GRM1: variants seen among roughly 807,000 people sequenced by gnomAD.
GRM1 encodes the protein metabotropic glutamate receptor 1.
Under a neutral mutation model 90.9 loss-of-function variants are expected in GRM1, and 33 were observed. That is an observed-to-expected ratio of 0.36 (90% CI 0.28 to 0.49). The LOEUF (loss-of-function observed/expected upper bound fraction) is 0.49, where lower values mean the gene tolerates loss of function less well. GRM1 is among the 20% of genes least tolerant of loss of function. The pLI is 0.99. For missense variants in GRM1, 1,190 were observed against 1,534.3 expected (o/e 0.78, Z 3.75); for synonymous variants, 700 against 613.2 (o/e 1.14, Z -2.09).
intron 2 of GRM1, among the ~76,000 whole-genome samples, chr6:146,270,901 CTTTCTTTCTTT>C (rs1782117247): frequency 3.3e-4 from 38 of 115,432 alleles, no homozygotes; most frequent in African/African-American, 1.0e-3. Flanking sequence ...TTCTTTCTTT[CTTTCTTTCTTT>C]CTTCCTTCCT....
chr6:146,108,915 T>C (rs1438308753), intron 1 of GRM1, among the ~76,000 whole-genome samples: 2 of 152,170 alleles, frequency 1.3e-5, no homozygotes, highest in Non-Finnish European at 2.9e-5. Context: ...GCACAGAGAT[T>C]TGTGGAACTT....
intron 2 of GRM1, among the ~76,000 whole-genome samples, chr6:146,207,211 T>C (rs1041036335): frequency 6.6e-6 from 1 of 152,196 alleles, no homozygotes; most frequent in Non-Finnish European, 1.5e-5. Flanking sequence ...GTAGTATACT[T>C]TAAGCTCTTT....
chr6:146,227,090 A>G (rs1287485185), intron 2 of GRM1, among the ~76,000 whole-genome samples: 1 of 152,128 alleles, frequency 6.6e-6, no homozygotes, highest in Non-Finnish European at 1.5e-5. Flanking sequence ...TCATTTATCT[A>G]TCTTTAGTGC....
At chr6:146,332,488 T>A (rs774586142) in intron 3 of GRM1, among the ~76,000 whole-genome samples, 1 of 152,232 alleles carries the variant, frequency 6.6e-6, no homozygotes, top group African/African-American at 2.4e-5. Flanking sequence ...ATGACCTCTC[T>A]GGCAACAATG....
intron 7 of GRM1, among the ~76,000 whole-genome samples, chr6:146,410,909 T>A (rs995147071): frequency 1.2e-4 from 19 of 152,316 alleles, no homozygotes; most frequent in African/African-American, 4.6e-4. Flanking sequence ...ATAAAATCAC[T>A]TTTGCTAGGA....
intron 1 of GRM1, among the ~76,000 whole-genome samples, chr6:146,100,283 A>T (rs980383435): frequency 1.3e-5 from 2 of 152,212 alleles, no homozygotes; most frequent in African/African-American, 4.8e-5. Context: ...TTATAAAGCC[A>T]TATGATAAGC....
intron 6 of GRM1, among the ~76,000 whole-genome samples, chr6:146,396,090 A>ATCTATCTATCTATCTATCTATCTATCTG (rs1554307315): frequency 7.1e-4 from 107 of 150,660 alleles, no homozygotes; most frequent in Admixed American, 1.3e-3. Flanking sequence ...CTATCTATCT[A>ATCTATCTATCTATCTATCTATCTATCTG]TCTATCTATC....
At position 146,332,567 on chromosome 6, in the gene GRM1, G is replaced by T. The variant is rs184465654; in HGVS notation, c.1187-19683G>T. ...GTTTCTCTAATCCCAGGCAGAGAAAGTTCTCACTTTAATGGCCCATATGGT... is the reference window on the plus strand; with the variant it reads ...GTTTCTCTAATCCCAGGCAGAGAAATTTCTCACTTTAATGGCCCATATGGT... On this transcript the variant is annotated intron_variant, in intron 3 of 7. Transcript: ENST00000282753. 1.7e-3 allele frequency among the ~76,000 whole-genome samples: 266 copies of T among 152,290 alleles called. 1 individual carries two copies. Among genetic ancestry groups the T allele is most frequent in the African/African-American group, 6.2e-3 (259 of 41,562 alleles).
chr6:146,357,755 T>A, intron 5 of GRM1, 61 bp downstream of exon 5: 1 of 1,276,052 alleles, frequency 7.8e-7, no homozygotes, highest in Non-Finnish European at 1.1e-6. Flanking sequence ...TGGACATTAG[T>A]AAAGAACAAC....
In GRM1 at chr6:146,029,508, C is replaced by T; in HGVS notation, c.-10C>T. The T allele has an allele frequency of 6.2e-7, 1 of 1,609,694 alleles. No homozygotes were observed. Among genetic ancestry groups the T allele is most frequent in the Non-Finnish European group, 8.5e-7 (1 of 1,175,984 alleles). On this transcript the variant is annotated 5_prime_UTR_variant, in exon 1 of 8. Transcript: ENST00000282753. ...GCGGCTGGCAGGCTGTGGACCTCGT[C>T]CTCACCACCATGGTCGGGCTCCTTT...
chr6:146,215,723 C>A (rs1385409935), intron 2 of GRM1, among the ~76,000 whole-genome samples: 3 of 151,972 alleles, frequency 2.0e-5, no homozygotes, highest in Non-Finnish European at 2.9e-5. Flanking sequence ...TCTCATATAG[C>A]CCATAAATAT....
intron 5 of GRM1, among the ~76,000 whole-genome samples, chr6:146,370,143 C>T (rs1775844952): frequency 6.6e-6 from 1 of 151,972 alleles, no homozygotes; most frequent in Admixed American, 6.6e-5. Context: ...TATAGCTATT[C>T]TTGCTCTTTT....
At chr6:146,425,026 T>G (rs1778146297) in intron 7 of GRM1, among the ~76,000 whole-genome samples, 1 of 152,212 alleles carries the variant, frequency 6.6e-6, no homozygotes, top group Non-Finnish European at 1.5e-5. Flanking sequence ...TTTTTCTAAT[T>G]TTATTAAATG....
At chr6:146,269,717 G>A (rs576012165) in intron 2 of GRM1, among the ~76,000 whole-genome samples, 4 of 152,260 alleles carry the variant, frequency 2.6e-5, no homozygotes, top group African/African-American at 9.6e-5. Context: ...GATCTAGGGT[G>A]CATGCTCCTT....
chr6:146,089,715 C>G (rs1006248952), intron 1 of GRM1, among the ~76,000 whole-genome samples: 1 of 152,034 alleles, frequency 6.6e-6, no homozygotes, highest in Non-Finnish European at 1.5e-5. Flanking sequence ...TAAAGAAGCT[C>G]TAATGATTCA....
intron 1 of GRM1, among the ~76,000 whole-genome samples, chr6:146,031,798 G>A (rs1004772236): frequency 6.6e-6 from 1 of 152,140 alleles, no homozygotes; most frequent in Non-Finnish European, 1.5e-5. Context: ...GAAAGAGCAA[G>A]TTAAAATGTG....
At chr6:146,286,207 TTACTGACACCTAAATATGTAAC>T (rs1782761589) in intron 2 of GRM1, among the ~76,000 whole-genome samples, 1 of 152,144 alleles carries the variant, frequency 6.6e-6, no homozygotes, top group Admixed American at 6.6e-5. Context: ...ATAAAAGTCA[TTACTGACACCTAAATATGTAAC>T]TATTTTAAAT....
At chr6:146,358,306 C>T (rs1417359199) in intron 5 of GRM1, among the ~76,000 whole-genome samples, 2 of 152,140 alleles carry the variant, frequency 1.3e-5, no homozygotes, top group Non-Finnish European at 2.9e-5. Context: ...AGCATCAAAT[C>T]CTCGGCGGGG....
At chr6:146,236,571 G>A (rs569689862) in intron 2 of GRM1, among the ~76,000 whole-genome samples, 13 of 152,114 alleles carry the variant, frequency 8.5e-5, no homozygotes, top group Non-Finnish European at 1.8e-4. Context: ...CAGGGATAGA[G>A]CCTTCTCAAG....
Sources: allele counts gnomAD v4.1 joint callset (sites outside exome capture counted in the v4.1 genomes callset), GRCh38; gene constraint gnomAD v4.1.1; transcripts MANE v1.5; gene names NCBI Gene and HGNC (gene_info 2026-07-23, HGNC 2026-07-21).